Variants in UGT1A10 observed in about 807,000 individuals in gnomAD.
UGT1A10 encodes UDP-glucuronosyltransferase 1A10.
In UGT1A10, 49 loss-of-function variants were observed where a neutral mutation model predicts 45.8. That is an observed-to-expected ratio of 1.07 (90% CI 0.85 to 1.36). The LOEUF is 1.36. Among genes scored for constraint, UGT1A10 ranks in the 40% most tolerant of loss-of-function variants. UGT1A10 has a pLI of 0.00. For missense variants in UGT1A10, 745 were observed against 668.6 expected (o/e 1.11, Z -1.26); for synonymous variants, 284 against 249.7 (o/e 1.14, Z -1.29).
intron 1 of UGT1A10, among the ~76,000 whole-genome samples, chr2:233,667,669 T>A (rs1020886057): frequency 6.6e-5 from 10 of 152,092 alleles, no homozygotes; most frequent in Non-Finnish European, 1.0e-4. Context: ...TACAATGAAC[T>A]CAGACAAATT....
Position 233,693,758 on chromosome 2 carries a change from G to T in UGT1A10, c.855+56381G>T. The T allele has an allele frequency of 2.5e-6, 4 of 1,614,234 alleles. No individual in the cohort carries two copies. The highest frequency in any genetic ancestry group is 3.4e-6 in the Non-Finnish European group (4 of 1,180,050). On this transcript the variant is annotated intron_variant, in intron 1 of 4. Transcript: ENST00000344644. ...AATCACCTTATATCAGAAGGTCTCT[G>T]TTTGGCTGTTAAGATATGACTTTGT...
chr2:233,772,282 G>T lies in UGT1A10; in HGVS notation c.1316G>T (p.Arg439Leu), dbSNP rs748166510. 6.2e-7 allele frequency: 1 copy of T among 1,614,194 alleles called. No homozygotes were observed. Among genetic ancestry groups the T allele is most frequent in the Non-Finnish European group, 8.5e-7 (1 of 1,180,040 alleles). The change falls in exon 5 of 5, where the codon CGC becomes CTC. Residue 439 changes from arginine (R) to leucine (L), a missense_variant. By Grantham distance (102) the Arg-to-Leu change is moderately radical. Transcript: ENST00000344644. ...TTTAGTTACAAGGAGAACATCATGC[G>T]CCTCTCCAGCCTTCACAAGGACCGC... ...NDKSYKENIM[R>L]LSSLHKDRPV...
intron 1 of UGT1A10, chr2:233,721,879 C>T (rs2076978757): frequency 2.0e-6 from 1 of 493,898 alleles, no homozygotes; most frequent in South Asian, 1.5e-5. Flanking sequence ...ACTTGCCAGC[C>T]CCTCCATTGC....
rs562671697 is a variant in UGT1A10, at chr2:233,715,584, C to A, written c.856-51450C>A. On this transcript the variant is annotated intron_variant, in intron 1 of 4. Transcript: ENST00000344644. The stretch of plus-strand genomic sequence containing the variant: ...CCCAGGAGTCTGAGAGCAGCCTGGG[C>A]AACATGCTGAGACTCCATCTCTACA... 7.4e-4 allele frequency among the ~76,000 whole-genome samples: 112 copies of A among 152,108 alleles called. 1 individual carries two copies. Among genetic ancestry groups the A allele is most frequent in the African/African-American group, 2.5e-3 (104 of 41,484 alleles).
At chr2:233,767,202 T>G in intron 2 of UGT1A10, 37 bp downstream of exon 2, 15 of 1,613,508 alleles carry the variant, frequency 9.3e-6, no homozygotes, top group Non-Finnish European at 1.3e-5. Flanking sequence ...ATATCTATTT[T>G]CACAGGAGCG....
intron 1 of UGT1A10, among the ~76,000 whole-genome samples, chr2:233,758,245 A>C (rs1047370626): frequency 6.6e-6 from 1 of 152,214 alleles, no homozygotes; most frequent in African/African-American, 2.4e-5. Flanking sequence ...ATTGCCCACT[A>C]TTCAGATTAG....
intron 1 of UGT1A10, chr2:233,718,738 T>C: frequency 6.2e-7 from 1 of 1,611,852 alleles, no homozygotes; most frequent in Non-Finnish European, 8.5e-7. Flanking sequence ...GGTGGCTCAA[T>C]GACAAGGTAA....
intron 1 of UGT1A10, chr2:233,750,533 C>A (rs761988421): frequency 6.6e-6 from 1 of 151,942 alleles, no homozygotes; most frequent in Non-Finnish European, 1.5e-5. Flanking sequence ...GGGAAAATGG[C>A]TTCAGTGCAC....
At chr2:233,670,948 CT>C (rs2074172565) in intron 1 of UGT1A10, among the ~76,000 whole-genome samples, 1 of 152,162 alleles carries the variant, frequency 6.6e-6, no homozygotes, top group Non-Finnish European at 1.5e-5. Flanking sequence ...GGGTATTGAT[CT>C]TTTCCCTTTA....
chr2:233,690,785 A>G, intron 1 of UGT1A10: 5 of 1,137,854 alleles, frequency 4.4e-6, no homozygotes, highest in Non-Finnish European at 4.4e-6. Flanking sequence ...ATACACACAC[A>G]CACACACACA....
At chr2:233,729,263 A>C (rs1204549030) in intron 1 of UGT1A10, 7 of 1,614,084 alleles carry the variant, frequency 4.3e-6, no homozygotes. Flanking sequence ...AGCATGCGGG[A>C]GGTCTTGCGG....
chr2:233,719,024 C>T (rs2076714368), intron 1 of UGT1A10: 2 of 1,614,250 alleles, frequency 1.2e-6, no homozygotes, highest in Non-Finnish European at 8.5e-7. Context: ...TGAATATGCA[C>T]ATCAAAGAAG....
intron 1 of UGT1A10, chr2:233,713,028 G>A (rs1164174226): frequency 1.9e-6 from 3 of 1,613,750 alleles, no homozygotes; most frequent in African/African-American, 1.3e-5. Flanking sequence ...GCCGCAGCTG[G>A]CCACAGGACT....
At chr2:233,689,789 G>A (rs1472874347) in intron 1 of UGT1A10, 2 of 424,176 alleles carry the variant, frequency 4.7e-6, no homozygotes, top group Non-Finnish European at 9.3e-6. Context: ...GTTATGATGT[G>A]ATCTGTAGTT....
intron 1 of UGT1A10, among the ~76,000 whole-genome samples, chr2:233,639,805 T>C (rs1026345177): frequency 1.5e-4 from 23 of 152,234 alleles, no homozygotes; most frequent in African/African-American, 5.3e-4. Context: ...ACTTTTAAAC[T>C]ATATCAATTG....
chr2:233,669,138 T>C (rs977099549), intron 1 of UGT1A10, among the ~76,000 whole-genome samples: 1 of 152,234 alleles, frequency 6.6e-6, no homozygotes, highest in African/African-American at 2.4e-5. Flanking sequence ...TTGAAAAAAC[T>C]TGGTTGCTCA....
chr2:233,727,754 C>T (rs1338679517), intron 1 of UGT1A10, among the ~76,000 whole-genome samples: 2 of 152,210 alleles, frequency 1.3e-5, no homozygotes, highest in African/African-American at 4.8e-5. Context: ...GTGTGCTGCC[C>T]TTGAGCTGGG....
chr2:233,656,855 G>A (rs1312524241), intron 1 of UGT1A10, among the ~76,000 whole-genome samples: 2 of 152,006 alleles, frequency 1.3e-5, no homozygotes, highest in Admixed American at 6.5e-5. Flanking sequence ...CACGTTCCTG[G>A]GCATCCCTAT....
At chr2:233,709,031 A>G (rs1166379851) in intron 1 of UGT1A10, among the ~76,000 whole-genome samples, 3 of 152,146 alleles carry the variant, frequency 2.0e-5, no homozygotes, top group Non-Finnish European at 4.4e-5. Context: ...CAGGGGCTTC[A>G]GCCTGAGTTC....
Sources: allele counts gnomAD v4.1 joint callset (sites outside exome capture counted in the v4.1 genomes callset), GRCh38; gene constraint gnomAD v4.1.1; transcripts MANE v1.5; gene names NCBI Gene and HGNC (gene_info 2026-07-23, HGNC 2026-07-21).